The following NUDCD2 variants were observed in gnomAD, a reference collection of about 807,000 sequenced individuals.
NUDCD2 encodes the protein nudC domain-containing protein 2.
In NUDCD2, 16 loss-of-function variants were observed where a neutral mutation model predicts 20.8. That is an observed-to-expected ratio of 0.77 (90% CI 0.52 to 1.17). NUDCD2 has a LOEUF of 1.17. Ranked by LOEUF, NUDCD2 falls within the 50% of genes most tolerant of loss-of-function variation. NUDCD2 has a pLI of 0.00. For synonymous variants in NUDCD2, 87 were observed against 72.8 expected (o/e 1.20, Z -1.00); for missense variants, 199 against 193.9 (o/e 1.03, Z -0.16).
intron 1 of NUDCD2, 61 bp from the exon 2 acceptor site, chr5:163,457,671 G>T: frequency 9.2e-7 from 1 of 1,082,752 alleles, no homozygotes; most frequent in East Asian, 2.4e-5. Flanking sequence ...AAGTTTTCAT[G>T]ATTAAGATTT....
chr5:163,459,953 T>C lies in NUDCD2; in HGVS notation c.98A>G (p.Gln33Arg), dbSNP rs1697376346. 1 of 1,613,154 alleles carries C rather than the reference T, an allele frequency of 6.2e-7. No homozygotes were observed. Among genetic ancestry groups the C allele is most frequent in the African/African-American group, 1.3e-5 (1 of 74,782 alleles). The part of the protein sequence containing the change: ...QTLEEVFIEV[Q>R]VPPGTRAQDI... ...CTGGGCGCGCGTGCCTGGCGGCACC[T>C]GAACTTCAATGAACACCTCCTCCAA... Residue 33 changes from glutamine to arginine, a missense_variant, in exon 1 of 4, where the codon CAG (glutamine) becomes CGG (arginine). Gln to Arg is a conservative substitution (Grantham distance 43). Transcript: ENST00000302764.
Position 163,446,804 on chromosome 5 carries a change from C to G in NUDCD2, c.*7163G>C, listed in dbSNP as rs1349781211. 6.6e-6 allele frequency: 1 copy of G among 152,198 alleles called. No homozygotes were observed. The highest frequency in any genetic ancestry group is 1.5e-5 in the Non-Finnish European group (1 of 68,074). 9.4% of individuals were successfully genotyped at this position (152,198 alleles called of 1,614,324 possible). A position where few individuals can be genotyped will look rare whatever the true frequency, so the allele number is the denominator to read the frequency against. ...CCAAGGTGGACGGATCACTTGAGGC[C>G]AGGAGTTCGAGACCAGCATGGCCAA... On this transcript the variant is annotated 3_prime_UTR_variant, in exon 4 of 4. Transcript: ENST00000302764.
rs941488517 is a variant in NUDCD2 at position 163,449,023 on chromosome 5, C to T, written c.*4944G>A. The T allele has an allele frequency of 1.3e-5, 2 of 152,148 alleles. No individual in the cohort carries two copies. The highest frequency in any genetic ancestry group is 4.8e-5 in the African/African-American group (2 of 41,396). The allele number at this position is 152,148 out of a possible 1,614,324, so 9.4% of individuals were successfully genotyped here. Reference sequence around the variant, plus strand: ...TGGTCAAAAACAATGCTTTCAAAATCCTAAGATCCAGAACAAGACTGAGAT... The same window carrying T: ...TGGTCAAAAACAATGCTTTCAAAATTCTAAGATCCAGAACAAGACTGAGAT... On this transcript the variant is annotated 3_prime_UTR_variant, in exon 4 of 4. Transcript: ENST00000302764.
Position 163,447,217 on chromosome 5 carries a change from C to A in NUDCD2, c.*6750G>T. On this transcript the variant is annotated 3_prime_UTR_variant, in exon 4 of 4. Transcript: ENST00000302764. ...CTGTAATTCCAATGCTTTGGGAAGCCAAGGTGGGAGGATTGCTTGAGGCCA... is the reference window on the plus strand; with the variant it reads ...CTGTAATTCCAATGCTTTGGGAAGCAAAGGTGGGAGGATTGCTTGAGGCCA... 1 of 152,610 alleles carries A rather than the reference C, an allele frequency of 6.6e-6. No individual in the cohort carries two copies. Among genetic ancestry groups the A allele is most frequent in the South Asian group, 1.9e-4 (1 of 5,320 alleles). 9.5% of individuals were successfully genotyped at this position (152,610 alleles called of 1,614,324 possible). A position where few individuals can be genotyped will look rare whatever the true frequency, so the allele number is the denominator to read the frequency against.
Position 163,460,040 on chromosome 5 carries a change from G to C in NUDCD2, c.11C>G (p.Pro4Arg). 1 of 1,590,766 alleles carries C rather than the reference G, an allele frequency of 6.3e-7. No homozygotes were observed. Among genetic ancestry groups the C allele is most frequent in the South Asian group, 1.1e-5 (1 of 88,648 alleles). The change falls in exon 1 of 4, where the codon CCG becomes CGG. Residue 4 changes from proline to arginine, a missense_variant. Physicochemically the swap from Pro to Arg is moderately radical, Grantham distance 103 (BLOSUM62 -2). Transcript: ENST00000302764. Reference sequence around the variant, plus strand: ...TACCACCCCACTCCGCTCCTCAAACGGGGCCGACATAATCCAGTCCCTCCC... The same window carrying C: ...TACCACCCCACTCCGCTCCTCAAACCGGGCCGACATAATCCAGTCCCTCCC... MSA[P>R]FEERSGVVPC...
chr5:163,447,595 A>C lies in NUDCD2; in HGVS notation c.*6372T>G, dbSNP rs911452200. 2 of 152,364 alleles carry C rather than the reference A, an allele frequency of 1.3e-5. No individual in the cohort carries two copies. The highest frequency in any genetic ancestry group is 6.5e-5 in the Admixed American group (1 of 15,304). 9.4% of individuals were successfully genotyped at this position (152,364 alleles called of 1,614,324 possible). A position where few individuals can be genotyped will look rare whatever the true frequency, so the allele number is the denominator to read the frequency against. On this transcript the variant is annotated 3_prime_UTR_variant, in exon 4 of 4. Transcript: ENST00000302764. ...AGCAAAGATGTAGGAAAATGGAATA[A>C]TACTAATAACCAGCTAGATTTAATT...
At position 163,447,012 on chromosome 5, in the gene NUDCD2, ATAAAT is replaced by A. The variant is rs1758053579; in HGVS notation, c.*6950_*6954del. 6.6e-6 allele frequency: 1 copy of A among 152,258 alleles called. No homozygotes were observed. The highest frequency in any genetic ancestry group is 1.5e-5 in the Non-Finnish European group (1 of 68,048). The allele number at this position is 152,258 out of a possible 1,614,324, so 9.4% of individuals were successfully genotyped here. On this transcript the variant is annotated 3_prime_UTR_variant, in exon 4 of 4. Coordinates refer to ENST00000302764, the MANE Select transcript of NUDCD2 (RefSeq NM_145266.6). ...CAGAGTGAGGCTCTTGTCTCAAAAA[ATAAAT>A]TAAAAAGCCATTTTTATATTCATCA...
In NUDCD2 at chr5:163,447,973, T is replaced by A. The variant is rs745874718; in HGVS notation, c.*5994A>T. On this transcript the variant is annotated 3_prime_UTR_variant, in exon 4 of 4. Transcript: ENST00000302764. ...TACTAAACAAGAAAAAGTTCTCAAA[T>A]TAACACTCTAAGCTCCCACTTTAAG... is the stretch of plus-strand genomic sequence containing the variant. 7.9e-5 allele frequency: 12 copies of A among 152,054 alleles called. No homozygotes were observed. Among genetic ancestry groups the A allele is most frequent in the Non-Finnish European group, 1.6e-4 (11 of 67,998 alleles). 9.4% of individuals were successfully genotyped at this position (152,054 alleles called of 1,614,324 possible).
chr5:163,453,463 A>C lies in NUDCD2; in HGVS notation c.*504T>G, dbSNP rs1390256072. The C allele has an allele frequency of 1.3e-5, 2 of 152,632 alleles. No individual in the cohort carries two copies. Among genetic ancestry groups the C allele is most frequent in the Admixed American group, 6.5e-5 (1 of 15,288 alleles). 9.5% of individuals were successfully genotyped at this position (152,632 alleles called of 1,614,324 possible). On this transcript the variant is annotated 3_prime_UTR_variant, in exon 4 of 4. Coordinates refer to ENST00000302764, the MANE Select transcript of NUDCD2 (RefSeq NM_145266.6). Reference sequence around the variant, plus strand: ...TAATAATATTCTAATTAAGAAATTTACATTAACTCTTAATTTACTTAAAAT... The same window carrying C: ...TAATAATATTCTAATTAAGAAATTTCCATTAACTCTTAATTTACTTAAAAT...
rs1489394180 is a variant in NUDCD2, at chr5:163,459,899, T to C, written c.152A>G (p.His51Arg). 3 of 1,610,188 alleles carry C rather than the reference T, an allele frequency of 1.9e-6. No individual in the cohort carries two copies. The highest frequency in any genetic ancestry group is 3.4e-5 in the Admixed American group (2 of 59,388). The change falls in exon 1 of 4, where the codon CAT becomes CGT. Residue 51 changes from histidine (H) to arginine (R), a missense_variant. Transcript: ENST00000302764. ...GCGGCCGCCCACCGACAGCGCCACA[T>C]GCCGGCTCTGGAGGCCGCACTGGAT... ...QDIQCGLQSRHVALSVGGREI... is the reference protein window; with the variant it reads ...QDIQCGLQSRRVALSVGGREI...
chr5:163,455,746 A>T (rs1470863778), intron 3 of NUDCD2, among the ~76,000 whole-genome samples: 3 of 152,048 alleles, frequency 2.0e-5, no homozygotes, highest in Non-Finnish European at 4.4e-5. Flanking sequence ...AAAAAAAAAA[A>T]AAAAAAGAAC....
At chr5:163,457,977 G>GTTT (rs1758366551) in intron 1 of NUDCD2, among the ~76,000 whole-genome samples, 3 of 84,856 alleles carry the variant, frequency 3.5e-5, no homozygotes, top group African/African-American at 1.3e-4. Context: ...AAAAAATGTT[G>GTTT]TCTTTTTTTT....
At position 163,453,185 on chromosome 5, in the gene NUDCD2, TA is replaced by T. The variant is rs1758222044; in HGVS notation, c.*781del. 1 of 152,154 alleles carries T rather than the reference TA, an allele frequency of 6.6e-6. No individual in the cohort carries two copies. The highest frequency in any genetic ancestry group is 2.4e-5 in the African/African-American group (1 of 41,434). 9.4% of individuals were successfully genotyped at this position (152,154 alleles called of 1,614,324 possible). On this transcript the variant is annotated 3_prime_UTR_variant, in exon 4 of 4. Transcript: ENST00000302764. ...TGAGATTTAAAATTTTTTCAAGAGT[TA>T]AAAAGGGCAAAAAATAAAAAGGACA...
rs563815897 is a variant in NUDCD2 at position 163,455,413 on chromosome 5, G to A, written c.391-1363C>T. Among the ~76,000 whole-genome samples, 94 of 152,296 alleles carry A rather than the reference G, an allele frequency of 6.2e-4. 1 individual carries two copies. The highest frequency in any genetic ancestry group is 2.1e-3 in the African/African-American group (89 of 41,566). ...ATGGAATAACTGATCAGAAAGGGCCGAGAAATGACTTGCAGAGTTCTGAGA... is the reference window on the plus strand; with the variant it reads ...ATGGAATAACTGATCAGAAAGGGCCAAGAAATGACTTGCAGAGTTCTGAGA... On this transcript the variant is annotated intron_variant, in intron 3 of 3. Coordinates refer to ENST00000302764, the MANE Select transcript of NUDCD2 (RefSeq NM_145266.6).
Position 163,459,885 on chromosome 5 carries a change from C to A in NUDCD2, c.166G>T (p.Val56Leu). 2 of 1,607,732 alleles carry A rather than the reference C, an allele frequency of 1.2e-6. No homozygotes were observed. The highest frequency in any genetic ancestry group is 1.7e-6 in the Non-Finnish European group (2 of 1,177,508). The change falls in exon 1 of 4, where the codon GTG (valine) becomes TTG (leucine). Residue 56 changes from valine (V) to leucine (L), a missense_variant. Val to Leu is a conservative substitution (Grantham distance 32, BLOSUM62 1). Transcript: ENST00000302764. ...GLQSRHVALS[V>L]GGREILKGKL... is the part of the protein sequence containing the mutation. The stretch of plus-strand genomic sequence containing the variant: ...ACCTTGAGGATCTCGCGGCCGCCCA[C>A]CGACAGCGCCACATGCCGGCTCTGG...
At chr5:163,459,662 T>C (rs1245922979) in intron 1 of NUDCD2, 200 bp downstream of exon 1, 7 of 426,642 alleles carry the variant, frequency 1.6e-5, no homozygotes, top group African/African-American at 1.2e-4. Context: ...AACACGAAAA[T>C]AGGCTCCTCA....
At position 163,446,663 on chromosome 5, in the gene NUDCD2, A is replaced by G. The variant is rs560043730; in HGVS notation, c.*7304T>C. On this transcript the variant is annotated 3_prime_UTR_variant, in exon 4 of 4. Transcript: ENST00000302764. ...TTGATAAAATGTTATTATTTATTAA[A>G]TCTATTTTTCAGAAACCAAAAAACA... 6 of 152,356 alleles carry G rather than the reference A, an allele frequency of 3.9e-5. No homozygotes were observed. The highest frequency in any genetic ancestry group is 9.6e-5 in the African/African-American group (4 of 41,586). The allele number at this position is 152,356 out of a possible 1,614,324, so 9.4% of individuals were successfully genotyped here. A position where few individuals can be genotyped will look rare whatever the true frequency, so the allele number is the denominator to read the frequency against.
rs1406776851 is a variant in NUDCD2 at position 163,448,931 on chromosome 5, T to A, written c.*5036A>T. ...TCATGAAACTCTGCTAACAACAAAT[T>A]AATAGATGGGAACTTGCTCAACATG... On this transcript the variant is annotated 3_prime_UTR_variant, in exon 4 of 4. Coordinates refer to ENST00000302764, the MANE Select transcript of NUDCD2 (RefSeq NM_145266.6). The A allele has an allele frequency of 6.6e-6, 1 of 152,112 alleles. No individual in the cohort carries two copies. The highest frequency in any genetic ancestry group is 1.9e-4 in the East Asian group (1 of 5,194). 9.4% of individuals were successfully genotyped at this position (152,112 alleles called of 1,614,324 possible). A position where few individuals can be genotyped will look rare whatever the true frequency, so the allele number is the denominator to read the frequency against.
chr5:163,459,685 T>C, intron 1 of NUDCD2, 177 bp downstream of exon 1: 3 of 488,976 alleles, frequency 6.1e-6, no homozygotes, highest in Non-Finnish European at 1.1e-5. Flanking sequence ...TTTCCACAAC[T>C]CAGCACCTGC....
Sources: gnomAD v4.1 joint callset for allele counts (sites outside exome capture counted in the v4.1 genomes callset) on GRCh38, gnomAD v4.1.1 for gene constraint, MANE v1.5 for transcripts, NCBI Gene and HGNC (gene_info 2026-07-23, HGNC 2026-07-21) for gene names.